The following LSAMP variants were observed in gnomAD, a reference collection of about 807,000 sequenced individuals.
The protein encoded by LSAMP is limbic system associated membrane protein, also known as limbic system-associated membrane protein.
LSAMP carries 7 observed loss-of-function variants against 38.6 expected under a neutral mutation model. That is an observed-to-expected ratio of 0.18 (90% CI 0.10 to 0.34). The LOEUF (loss-of-function observed/expected upper bound fraction) is 0.34. Ranked by LOEUF, LSAMP falls within the 10% of genes least tolerant of loss-of-function variation. LSAMP has a pLI of 1.00. For missense variants in LSAMP, 313 were observed against 420.0 expected (o/e 0.75, Z 2.23); for synonymous variants, 154 against 166.8 (o/e 0.92, Z 0.59).
chr3:116,343,131 C>T (rs2048019143), intron 1 of LSAMP, among the ~76,000 whole-genome samples: 1 of 152,052 alleles, frequency 6.6e-6, no homozygotes, highest in Non-Finnish European at 1.5e-5. Context: ...CTGCCTTGAC[C>T]ATCCATCTCT....
At chr3:115,984,192 G>A (rs1255633611) in intron 3 of LSAMP, among the ~76,000 whole-genome samples, 1 of 152,090 alleles carries the variant, frequency 6.6e-6, no homozygotes, top group East Asian at 1.9e-4. Context: ...CCACACTTCT[G>A]GCTTGCCTGA....
chr3:116,419,130 C>A (rs763396747), intron 1 of LSAMP, among the ~76,000 whole-genome samples: 1 of 152,200 alleles, frequency 6.6e-6, no homozygotes, highest in Non-Finnish European at 1.5e-5. Flanking sequence ...TCTCCCAAAT[C>A]ACCCTACGCT....
chr3:116,384,411 C>G (rs1167460423), intron 1 of LSAMP, among the ~76,000 whole-genome samples: 1 of 152,100 alleles, frequency 6.6e-6, no homozygotes, highest in South Asian at 2.1e-4. Context: ...TGATGCATGG[C>G]CTACATCTCA....
At chr3:116,334,661 A>G in intron 1 of LSAMP, among the ~76,000 whole-genome samples, 1 of 152,228 alleles carries the variant, frequency 6.6e-6, no homozygotes, top group African/African-American at 2.4e-5. Flanking sequence ...TGATTATCTC[A>G]GTTGATGTAA....
Position 115,861,502 on chromosome 3 carries a change from G to C in LSAMP, c.515-8885C>G, listed in dbSNP as rs143611315. 2.0e-3 allele frequency among the ~76,000 whole-genome samples: 281 copies of C among 138,380 alleles called. 2 individuals carry two copies. Among genetic ancestry groups the C allele is most frequent in the African/African-American group, 7.4e-3 (272 of 36,800 alleles). The allele number at this position is 138,380 out of a possible 152,430, so 90.8% of individuals were successfully genotyped here. ...GGCGGTGTCTGGGCTCAATGAGAGA[G>C]AGTGGCACTGTCCCCCTGGCGGTAG... On this transcript the variant is annotated intron_variant, in intron 3 of 6. Coordinates refer to ENST00000490035, the MANE Select transcript of LSAMP (RefSeq NM_002338.5).
At chr3:116,409,532 C>A (rs1420885233) in intron 1 of LSAMP, among the ~76,000 whole-genome samples, 1 of 152,016 alleles carries the variant, frequency 6.6e-6, no homozygotes, top group Non-Finnish European at 1.5e-5. Context: ...CCCCTGCAAT[C>A]CATTCTTTAA....
chr3:116,421,332 G>C (rs888560297), intron 1 of LSAMP, among the ~76,000 whole-genome samples: 4 of 152,090 alleles, frequency 2.6e-5, no homozygotes, highest in African/African-American at 2.4e-5. Flanking sequence ...CACTTTGGGA[G>C]GCTGAGGCGG....
chr3:116,051,865 T>G (rs998534514), intron 2 of LSAMP, among the ~76,000 whole-genome samples: 2 of 152,090 alleles, frequency 1.3e-5, no homozygotes, highest in African/African-American at 4.8e-5. Flanking sequence ...CCTCTGCGGA[T>G]GGAGTAAAAT....
intron 2 of LSAMP, among the ~76,000 whole-genome samples, chr3:116,043,284 C>T (rs1300828185): frequency 6.6e-6 from 1 of 152,140 alleles, no homozygotes; most frequent in South Asian, 2.1e-4. Flanking sequence ...TGATTGCAGA[C>T]AAGGGTCTAA....
chr3:115,893,093 A>G (rs1288676564), intron 3 of LSAMP, among the ~76,000 whole-genome samples: 1 of 151,972 alleles, frequency 6.6e-6, no homozygotes, highest in African/African-American at 2.4e-5. Flanking sequence ...TGGGAGCTGA[A>G]CAAAGAGAAC....
intron 1 of LSAMP, among the ~76,000 whole-genome samples, chr3:116,308,975 A>G (rs2047521359): frequency 6.6e-6 from 1 of 152,082 alleles, no homozygotes; most frequent in Admixed American, 6.6e-5. Context: ...CTTCGACAAC[A>G]TTAAGGACAA....
At chr3:115,894,508 A>G (rs911640530) in intron 3 of LSAMP, among the ~76,000 whole-genome samples, 1 of 152,054 alleles carries the variant, frequency 6.6e-6, no homozygotes, top group African/African-American at 2.4e-5. Flanking sequence ...GAATTTGGGG[A>G]TGAAGAAAAC....
At chr3:116,011,648 G>C (rs933490699) in intron 3 of LSAMP, among the ~76,000 whole-genome samples, 2 of 152,154 alleles carry the variant, frequency 1.3e-5, no homozygotes, top group Non-Finnish European at 2.9e-5. Context: ...TGAAAGGCAG[G>C]TGAGAGGAAA....
intron 6 of LSAMP, among the ~76,000 whole-genome samples, chr3:115,812,010 T>C (rs1559831565): frequency 6.6e-6 from 1 of 152,222 alleles, no homozygotes; most frequent in Non-Finnish European, 1.5e-5. Context: ...AAGGGGTGAC[T>C]GTAAGTCTCC....
chr3:115,954,953 GTTTTTGT>G lies in LSAMP; in HGVS notation c.514+64555_514+64561del, dbSNP rs1477867252. ...GCTTCCTAATGTTTTTTCTGTTTTTGTTTTTGTTTTTTTTTTTTTGAGATGGAGTCTT... is the reference window on the plus strand; with the variant it reads ...GCTTCCTAATGTTTTTTCTGTTTTTGTTTTTTTTTTTTGAGATGGAGTCTT... On this transcript the variant is annotated intron_variant, in intron 3 of 6. Coordinates refer to ENST00000490035, the MANE Select transcript of LSAMP (RefSeq NM_002338.5). 7.8e-5 allele frequency among the ~76,000 whole-genome samples: 3 copies of G among 38,684 alleles called. No homozygotes were observed. In the East Asian group the frequency reaches 3.7e-3, roughly 48 times the overall value. The allele number at this position is 38,684 out of a possible 152,430, so 25.4% of individuals were successfully genotyped here.
chr3:115,954,858 T>A (rs1020663862), intron 3 of LSAMP, among the ~76,000 whole-genome samples: 2 of 152,188 alleles, frequency 1.3e-5, no homozygotes, highest in Non-Finnish European at 2.9e-5. Flanking sequence ...AGCCCATGGA[T>A]CCCCTTAGTC....
Position 115,852,470 on chromosome 3 carries a change from C to T in LSAMP, c.649+13G>A. The T allele has an allele frequency of 6.2e-7, 1 of 1,604,290 alleles. No homozygotes were observed. Among genetic ancestry groups the T allele is most frequent in the Non-Finnish European group, 8.5e-7 (1 of 1,175,700 alleles). On this transcript the variant is annotated intron_variant, in intron 4 of 6. Coordinates refer to ENST00000490035, the MANE Select transcript of LSAMP (RefSeq NM_002338.5). Reference sequence around the variant, plus strand: ...CTGGGCACCTAGCACCTGCTGGCTCCTGCCGTACTCACAGTTCACAGTGAC... The same window carrying T: ...CTGGGCACCTAGCACCTGCTGGCTCTTGCCGTACTCACAGTTCACAGTGAC...
chr3:115,857,096 A>G (rs1399787842), intron 3 of LSAMP, among the ~76,000 whole-genome samples: 5 of 152,212 alleles, frequency 3.3e-5, no homozygotes, highest in African/African-American at 1.2e-4. Context: ...ATCTCTGGCC[A>G]TGTCCTGAGG....
chr3:116,432,045 A>G (rs1171725995), intron 1 of LSAMP, among the ~76,000 whole-genome samples: 3 of 151,998 alleles, frequency 2.0e-5, no homozygotes, highest in Non-Finnish European at 4.4e-5. Context: ...TCCCCTTACA[A>G]TATAATCTTA....
Sources: gnomAD v4.1 joint callset for allele counts (sites outside exome capture counted in the v4.1 genomes callset) on GRCh38, gnomAD v4.1.1 for gene constraint, MANE v1.5 for transcripts, NCBI Gene and HGNC (gene_info 2026-07-23, HGNC 2026-07-21) for gene names.